KLF8: variants seen among roughly 807,000 people sequenced by gnomAD.
The protein encoded by KLF8 is Krueppel-like factor 8.
In KLF8, 10 loss-of-function variants were observed where a neutral mutation model predicts 18.2. The ratio of observed to expected loss-of-function variants is 0.55; its 90% CI spans 0.34 to 0.93. The LOEUF (loss-of-function observed/expected upper bound fraction) is 0.93, where lower values mean the gene tolerates loss of function less well. Among genes scored for constraint, KLF8 ranks in the 40% least tolerant of loss-of-function variants. KLF8 has a pLI of 0.02. For missense variants in KLF8, 264 were observed against 277.9 expected, an observed-to-expected ratio of 0.95 and a Z score of 0.36; for synonymous variants, 109 against 97.3, an observed-to-expected ratio of 1.12 and a Z score of -0.71.
chrX:55,919,736 G>A, the KLF8 span, among the ~76,000 whole-genome samples: 2 of 111,452 alleles, frequency 1.8e-5, no homozygotes, highest in African/African-American at 6.5e-5. Flanking sequence ...CCAAGGATAG[G>A]CTGAGCTCAG....
At chrX:56,134,185 C>A in the KLF8 span, among the ~76,000 whole-genome samples, 3 of 107,477 alleles carry the variant, frequency 2.8e-5, no homozygotes, top group African/African-American at 1.0e-4. Context: ...CATATGGAAC[C>A]AAAAAAAAAA....
the KLF8 span, among the ~76,000 whole-genome samples, chrX:55,960,009 T>C: frequency 4.5e-5 from 5 of 111,340 alleles, no homozygotes; most frequent in Non-Finnish European, 7.5e-5. Context: ...GGGCAGGTCA[T>C]GTACAAAGGG....
At chrX:56,187,708 G>C in the KLF8 span, among the ~76,000 whole-genome samples, 1 of 110,596 alleles carries the variant, frequency 9.0e-6, no homozygotes, top group Non-Finnish European at 1.9e-5. Context: ...GGGATGCAAG[G>C]CTGATTCAAT....
chrX:56,154,026 A>G, the KLF8 span, among the ~76,000 whole-genome samples: 2 of 111,523 alleles, frequency 1.8e-5, no homozygotes, highest in African/African-American at 3.3e-5. Context: ...TATAGATTCA[A>G]TGCCATCCCC....
At chrX:56,142,853 G>A in the KLF8 span, among the ~76,000 whole-genome samples, 1 of 111,779 alleles carries the variant, frequency 8.9e-6, no homozygotes, top group Non-Finnish European at 1.9e-5. Flanking sequence ...TCTGCCTTTG[G>A]AACATGATCT....
the KLF8 span, among the ~76,000 whole-genome samples, chrX:56,214,657 C>A: frequency 1.8e-5 from 2 of 112,242 alleles, no homozygotes; most frequent in Non-Finnish European, 3.8e-5. Flanking sequence ...GGCCAATAAC[C>A]TTTCAAACAT....
At chrX:55,930,852 C>T in the KLF8 span, among the ~76,000 whole-genome samples, 18 of 111,294 alleles carry the variant, frequency 1.6e-4, no homozygotes, top group Non-Finnish European at 1.7e-4. Context: ...TTCCTTTTTA[C>T]GTTGTGTCTC....
chrX:56,088,089 G>A, the KLF8 span, among the ~76,000 whole-genome samples: 1 of 111,424 alleles, frequency 9.0e-6, no homozygotes, highest in East Asian at 2.8e-4. Flanking sequence ...TGGGAAAATC[G>A]TTGTAAAAGG....
chrX:56,251,910 T>C (rs1234776697), intron 2 of KLF8, among the ~76,000 whole-genome samples: 3 of 111,982 alleles, frequency 2.7e-5, no homozygotes, highest in East Asian at 5.6e-4. Context: ...TTACAAACAA[T>C]GCAATTACAC....
At chrX:55,939,278 G>T in the KLF8 span, among the ~76,000 whole-genome samples, 1 of 111,578 alleles carries the variant, frequency 9.0e-6, no homozygotes, top group Non-Finnish European at 1.9e-5. Context: ...AATAACTACT[G>T]GGTACATAAC....
the KLF8 span, among the ~76,000 whole-genome samples, chrX:56,196,569 C>T: frequency 1.8e-3 from 197 of 111,717 alleles, no homozygotes; most frequent in African/African-American, 6.4e-3. Flanking sequence ...TATGTGCACC[C>T]AATACAGGAG....
chrX:55,966,997 AG>A, the KLF8 span, among the ~76,000 whole-genome samples: 14 of 112,014 alleles, frequency 1.2e-4, no homozygotes, highest in Non-Finnish European at 5.6e-5. Flanking sequence ...AATGCATCAG[AG>A]TCTCTTAATA....
chrX:56,054,780 T>C, the KLF8 span, among the ~76,000 whole-genome samples: 3 of 112,214 alleles, frequency 2.7e-5, no homozygotes, highest in Non-Finnish European at 5.6e-5. Context: ...CTATGCTCGG[T>C]GCATATATAT....
chrX:56,115,700 C>T, the KLF8 span, among the ~76,000 whole-genome samples: 4 of 111,617 alleles, frequency 3.6e-5, no homozygotes, highest in Non-Finnish European at 3.8e-5. Flanking sequence ...TAAGCAGGAT[C>T]GAAAGCTGAT....
the KLF8 span, among the ~76,000 whole-genome samples, chrX:56,105,534 CTTT>C: frequency 9.7e-6 from 1 of 103,091 alleles, no homozygotes; most frequent in Non-Finnish European, 2.0e-5. Flanking sequence ...GCAACCCCTG[CTTT>C]TTTTTTTTTC....
chrX:55,940,646 A>C, the KLF8 span, among the ~76,000 whole-genome samples: 2 of 111,794 alleles, frequency 1.8e-5, no homozygotes, highest in African/African-American at 6.5e-5. Context: ...CTCAGCCCAA[A>C]ATCTCCTTAA....
the KLF8 span, among the ~76,000 whole-genome samples, chrX:56,153,246 A>T: frequency 9.0e-6 from 1 of 110,836 alleles, no homozygotes; most frequent in African/African-American, 3.3e-5. Context: ...CTATAGCCCC[A>T]GCTACTTGGG....
At chrX:56,135,274 A>C in the KLF8 span, among the ~76,000 whole-genome samples, 1 of 111,629 alleles carries the variant, frequency 9.0e-6, no homozygotes, top group Non-Finnish European at 1.9e-5. Flanking sequence ...CAGCACTATT[A>C]ACAATAGCAA....
At chrX:56,203,112 A>C in the KLF8 span, among the ~76,000 whole-genome samples, 5 of 111,827 alleles carry the variant, frequency 4.5e-5, no homozygotes, top group African/African-American at 1.6e-4. Flanking sequence ...TTTGGATAAA[A>C]GCTATTTTTA....
Sources: allele counts gnomAD v4.1 joint callset (sites outside exome capture counted in the v4.1 genomes callset), GRCh38; gene constraint gnomAD v4.1.1; transcripts MANE v1.5; gene names NCBI Gene and HGNC (gene_info 2026-07-23, HGNC 2026-07-21).